Variants in ARHGEF28 observed in about 807,000 individuals in gnomAD.
The protein encoded by ARHGEF28 is Rho guanine nucleotide exchange factor 28, also known as 190 kDa guanine nucleotide exchange factor.
Under a neutral mutation model 206.6 loss-of-function variants are expected in ARHGEF28, and 152 were observed. That is an observed-to-expected ratio of 0.74 (90% CI 0.64 to 0.84). The LOEUF is 0.84. Among genes scored for constraint, ARHGEF28 ranks in the 40% least tolerant of loss-of-function variants. ARHGEF28 has a pLI of 0.00. For synonymous variants in ARHGEF28, 763 were observed against 776.4 expected (o/e 0.98, Z 0.29); for missense variants, 2,028 against 2,073.2 (o/e 0.98, Z 0.42).
chr5:73,916,440 A>G (rs1189881503), intron 35 of ARHGEF28, among the ~76,000 whole-genome samples: 1 of 152,186 alleles, frequency 6.6e-6, no homozygotes, highest in African/African-American at 2.4e-5. Flanking sequence ...TTATTTCTTC[A>G]GTTCTGGAGG....
At chr5:73,826,084 A>G (rs1035833715) in intron 9 of ARHGEF28, among the ~76,000 whole-genome samples, 1 of 152,148 alleles carries the variant, frequency 6.6e-6, no homozygotes, top group Non-Finnish European at 1.5e-5. Flanking sequence ...AGGGCCTGAG[A>G]AGAAAAGGCC....
intron 9 of ARHGEF28, among the ~76,000 whole-genome samples, chr5:73,825,135 A>C (rs1008118158): frequency 6.6e-6 from 1 of 152,216 alleles, no homozygotes; most frequent in South Asian, 2.1e-4. Flanking sequence ...CTCATGGAGC[A>C]TATGTTTTAT....
chr5:73,882,636 T>G (rs979053171), intron 23 of ARHGEF28, 42 bp downstream of exon 23: 1 of 1,414,778 alleles, frequency 7.1e-7, no homozygotes. Context: ...TAAATCAGCA[T>G]GGAGAAATAG....
intron 9 of ARHGEF28, among the ~76,000 whole-genome samples, chr5:73,824,147 C>T (rs1335815791): frequency 6.6e-6 from 1 of 152,132 alleles, no homozygotes; most frequent in African/African-American, 2.4e-5. Flanking sequence ...CCTGATCATC[C>T]CATTATTTTG....
At chr5:73,934,939 C>T (rs764795790) in intron 35 of ARHGEF28, among the ~76,000 whole-genome samples, 13 of 152,170 alleles carry the variant, frequency 8.5e-5, no homozygotes, top group East Asian at 1.9e-4. Flanking sequence ...CATACTCCCA[C>T]GGGGCTTGTG....
intron 9 of ARHGEF28, among the ~76,000 whole-genome samples, chr5:73,809,634 T>G (rs912986435): frequency 6.6e-6 from 1 of 152,244 alleles, no homozygotes; most frequent in Non-Finnish European, 1.5e-5. Context: ...CTTTGAGATT[T>G]ACAAGGTTGA....
Position 73,887,666 on chromosome 5 carries a change from T to A in ARHGEF28, c.3374T>A (p.Ile1125Asn), listed in dbSNP as rs765984657. Residue 1125 changes from isoleucine (I) to asparagine (N), a missense_variant, in exon 26 of 36, where the codon ATC (isoleucine) becomes AAC (asparagine). Ile to Asn is a moderately radical substitution (Grantham distance 149). Around this residue, in one of 3 missense-constraint regions of ARHGEF28, gnomAD observed 803 missense variants for 768.0 expected, o/e 1.05. Coordinates refer to ENST00000513042, the MANE Select transcript of ARHGEF28 (RefSeq NM_001177693.2). ...LFLQEKDQKY[I>N]FAAVDQKPSV... is the part of the protein sequence containing the mutation. ...TTACAAGAAAAAGACCAGAAATACA[T>A]CTTTGCAGCCGTTGTAAGTATATGA... is the stretch of plus-strand genomic sequence containing the variant. 3 of 1,570,992 alleles carry A rather than the reference T, an allele frequency of 1.9e-6. No individual in the cohort carries two copies. Among genetic ancestry groups the A allele is most frequent in the Non-Finnish European group, 2.6e-6 (3 of 1,156,488 alleles).
chr5:73,834,709 A>G (rs1326090795), intron 10 of ARHGEF28, among the ~76,000 whole-genome samples: 1 of 152,158 alleles, frequency 6.6e-6, no homozygotes, highest in Non-Finnish European at 1.5e-5. Flanking sequence ...TAGATATATA[A>G]GTACTTACCA....
intron 16 of ARHGEF28, among the ~76,000 whole-genome samples, chr5:73,862,744 A>C (rs767578271): frequency 2.0e-5 from 3 of 151,986 alleles, no homozygotes; most frequent in Non-Finnish European, 2.9e-5. Context: ...TAATCTTTCA[A>C]GTATAATTTT....
chr5:73,936,485 G>GA (rs1038665776), intron 35 of ARHGEF28, among the ~76,000 whole-genome samples: 14 of 152,228 alleles, frequency 9.2e-5, no homozygotes, highest in African/African-American at 3.4e-4. Flanking sequence ...TAAAGCAATT[G>GA]AAAAATGCAT....
At chr5:73,816,613 A>G (rs2066798006) in intron 9 of ARHGEF28, among the ~76,000 whole-genome samples, 1 of 152,240 alleles carries the variant, frequency 6.6e-6, no homozygotes, top group South Asian at 2.1e-4. Context: ...GGATTTGGTA[A>G]CAAGAGGAAA....
At chr5:73,768,317 G>A (rs1235183712) in intron 4 of ARHGEF28, among the ~76,000 whole-genome samples, 1 of 152,164 alleles carries the variant, frequency 6.6e-6, no homozygotes, top group African/African-American at 2.4e-5. Flanking sequence ...CTTGCGCTGT[G>A]TGCCTGGAAA....
chr5:73,654,491 G>A (rs1206938815), intron 1 of ARHGEF28, among the ~76,000 whole-genome samples: 1 of 152,204 alleles, frequency 6.6e-6, no homozygotes, highest in Admixed American at 6.5e-5. Flanking sequence ...TGGGCCTCAT[G>A]GCCTGGAGAG....
intron 2 of ARHGEF28, among the ~76,000 whole-genome samples, chr5:73,715,494 T>G (rs1049009653): frequency 3.9e-5 from 6 of 152,088 alleles, no homozygotes; most frequent in Non-Finnish European, 7.4e-5. Context: ...ACACAATGGG[T>G]GATTCTCTAA....
intron 4 of ARHGEF28, among the ~76,000 whole-genome samples, chr5:73,771,040 A>G (rs543212480): frequency 4.6e-5 from 7 of 152,352 alleles, no homozygotes; most frequent in East Asian, 1.9e-4. Flanking sequence ...TCCAGGTTCA[A>G]TGGTATTTAG....
chr5:73,792,225 A>G (rs1386825939), intron 7 of ARHGEF28, among the ~76,000 whole-genome samples: 2 of 152,172 alleles, frequency 1.3e-5, no homozygotes, highest in African/African-American at 4.8e-5. Context: ...GAAGACATAT[A>G]TTTTAATATA....
chr5:73,914,692 C>T (rs141950401), intron 35 of ARHGEF28, among the ~76,000 whole-genome samples: 158 of 152,108 alleles, frequency 1.0e-3, no homozygotes, highest in African/African-American at 3.3e-3. Flanking sequence ...GCACCACACC[C>T]GGGCTAAATT....
intron 2 of ARHGEF28, among the ~76,000 whole-genome samples, chr5:73,718,479 G>A (rs138260947): frequency 6.2e-4 from 95 of 152,348 alleles, no homozygotes; most frequent in African/African-American, 2.2e-3. Flanking sequence ...TATGGGGACA[G>A]GGGAGTGTTG....
chr5:73,922,424 A>T (rs185685875), intron 35 of ARHGEF28, among the ~76,000 whole-genome samples: 92 of 152,368 alleles, frequency 6.0e-4, no homozygotes, highest in Admixed American at 1.4e-3. Flanking sequence ...GGATAGCGTG[A>T]CATCAGAAGT....
Sources: gnomAD v4.1 joint callset for allele counts (sites outside exome capture counted in the v4.1 genomes callset) on GRCh38, gnomAD v4.1.1 for gene constraint, gnomAD v4.1.1 regional missense constraint, MANE v1.5 for transcripts, NCBI Gene and HGNC (gene_info 2026-07-23, HGNC 2026-07-21) for gene names.